ANKIB1: variants seen among roughly 807,000 people sequenced by gnomAD.
The protein encoded by ANKIB1 is ankyrin repeat and IBR domain containing 1, also known as ankyrin repeat and IBR domain-containing protein 1.
A neutral mutation model predicts 122.1 loss-of-function variants in ANKIB1; 43 were observed. The ratio of observed to expected loss-of-function variants is 0.35; its 90% CI spans 0.28 to 0.45. The LOEUF (loss-of-function observed/expected upper bound fraction) is 0.45. ANKIB1 is among the 20% of genes least tolerant of loss of function. The pLI is 1.00. For missense variants in ANKIB1, 992 were observed against 1,329.5 expected (o/e 0.75, Z 3.95); for synonymous variants, 390 against 442.0 (o/e 0.88, Z 1.48).
At chr7:92,259,893 A>G (rs555930501) in intron 1 of ANKIB1, among the ~76,000 whole-genome samples, 78 of 152,046 alleles carry the variant, frequency 5.1e-4, no homozygotes, top group African/African-American at 1.7e-3. Flanking sequence ...TTTGGTTCTT[A>G]CCTTCAGAGT....
intron 11 of ANKIB1, among the ~76,000 whole-genome samples, chr7:92,385,730 G>A (rs879607763): frequency 4.6e-5 from 7 of 152,106 alleles, no homozygotes; most frequent in Admixed American, 2.6e-4. Context: ...GGGGCCTGTC[G>A]TGGTGTGGGA....
chr7:92,314,945 A>G (rs1460636457), intron 3 of ANKIB1, among the ~76,000 whole-genome samples: 1 of 152,140 alleles, frequency 6.6e-6, no homozygotes, highest in Non-Finnish European at 1.5e-5. Context: ...GGCAGATGCC[A>G]GGGACATTGT....
intron 10 of ANKIB1, among the ~76,000 whole-genome samples, chr7:92,363,272 G>A (rs998562722): frequency 2.6e-5 from 4 of 152,104 alleles, no homozygotes; most frequent in East Asian, 1.9e-4. Context: ...TTAGCTGGGC[G>A]TGGTGGCACG....
At chr7:92,299,769 T>C (rs1585095546) in intron 2 of ANKIB1, among the ~76,000 whole-genome samples, 2 of 152,330 alleles carry the variant, frequency 1.3e-5, no homozygotes, top group East Asian at 3.9e-4. Context: ...TTAAAATTAA[T>C]GTATCCATAT....
chr7:92,248,163 G>A (rs966288503), intron 1 of ANKIB1, among the ~76,000 whole-genome samples: 1 of 152,108 alleles, frequency 6.6e-6, no homozygotes, highest in Non-Finnish European at 1.5e-5. Flanking sequence ...AAAAAATGTT[G>A]TTGATTCTCT....
At chr7:92,354,971 A>G (rs1308859719) in intron 9 of ANKIB1, among the ~76,000 whole-genome samples, 1 of 152,244 alleles carries the variant, frequency 6.6e-6, no homozygotes, top group African/African-American at 2.4e-5. Context: ...CTTTTCAAGA[A>G]CTATATATGA....
At chr7:92,337,913 C>T (rs961925929) in intron 5 of ANKIB1, among the ~76,000 whole-genome samples, 4 of 151,942 alleles carry the variant, frequency 2.6e-5, no homozygotes, top group East Asian at 1.9e-4. Flanking sequence ...CTAAATTATG[C>T]GTGAGTGAAA....
At chr7:92,311,902 T>A (rs1348991528) in intron 3 of ANKIB1, among the ~76,000 whole-genome samples, 1 of 152,154 alleles carries the variant, frequency 6.6e-6, no homozygotes, top group Non-Finnish European at 1.5e-5. Context: ...GTTGACTTCC[T>A]CGTATGGATA....
chr7:92,343,242 G>T lies in ANKIB1; in HGVS notation c.996+10G>T. On this transcript the variant is annotated intron_variant, in intron 6 of 19. Transcript: ENST00000265742. ...TTTAGACACCAGTTTGGTATGGTTTGGTATTCACTGTACTTCTCATAGCTT... is the reference window on the plus strand; with the variant it reads ...TTTAGACACCAGTTTGGTATGGTTTTGTATTCACTGTACTTCTCATAGCTT... 1 of 1,606,940 alleles carries T rather than the reference G, an allele frequency of 6.2e-7. No individual in the cohort carries two copies. Among genetic ancestry groups the T allele is most frequent in the South Asian group, 1.1e-5 (1 of 90,660 alleles).
At chr7:92,316,993 T>G (rs1383605007) in intron 3 of ANKIB1, among the ~76,000 whole-genome samples, 1 of 152,196 alleles carries the variant, frequency 6.6e-6, no homozygotes, top group African/African-American at 2.4e-5. Flanking sequence ...GAAATAATTT[T>G]CTGGGACTCT....
chr7:92,285,202 A>G (rs1007277642), intron 1 of ANKIB1, among the ~76,000 whole-genome samples: 6 of 152,030 alleles, frequency 3.9e-5, no homozygotes, highest in African/African-American at 1.4e-4. Context: ...TTTTTAGTAG[A>G]TGGGGTTTCA....
chr7:92,311,070 T>A (rs1228603803), intron 3 of ANKIB1, among the ~76,000 whole-genome samples: 2 of 152,188 alleles, frequency 1.3e-5, no homozygotes, highest in African/African-American at 2.4e-5. Flanking sequence ...TTCTAAACAT[T>A]TCTTTGTATC....
chr7:92,270,773 A>T (rs548558497), intron 1 of ANKIB1, among the ~76,000 whole-genome samples: 5 of 146,834 alleles, frequency 3.4e-5, no homozygotes, highest in Non-Finnish European at 7.5e-5. Context: ...TATCAATAGA[A>T]TCATATAGTA....
chr7:92,253,928 T>C (rs1801383715), intron 1 of ANKIB1, among the ~76,000 whole-genome samples: 1 of 152,230 alleles, frequency 6.6e-6, no homozygotes, highest in African/African-American at 2.4e-5. Context: ...TGGCTGGCCT[T>C]GTGACTTACT....
At chr7:92,361,116 ATAATATTTTTTTATTTACTGGAATAAT>A (rs1748131155) in intron 9 of ANKIB1, among the ~76,000 whole-genome samples, 1 of 152,198 alleles carries the variant, frequency 6.6e-6, no homozygotes. Flanking sequence ...CCTCCTCCGA[ATAATATTTTTTTATTTACTGGAATAAT>A]TACCTTTGTC....
intron 1 of ANKIB1, among the ~76,000 whole-genome samples, chr7:92,287,823 C>T (rs1472072281): frequency 6.6e-6 from 1 of 152,044 alleles, no homozygotes; most frequent in Non-Finnish European, 1.5e-5. Flanking sequence ...ATCATGAGGT[C>T]AAGAGATCGA....
intron 5 of ANKIB1, among the ~76,000 whole-genome samples, chr7:92,330,148 C>T (rs1486247560): frequency 7.9e-5 from 12 of 152,138 alleles, no homozygotes; most frequent in Admixed American, 7.9e-4. Context: ...CTTCCGAAGT[C>T]TCAGTTGGGA....
At chr7:92,309,325 T>C (rs1175973647) in intron 3 of ANKIB1, among the ~76,000 whole-genome samples, 1 of 152,174 alleles carries the variant, frequency 6.6e-6, no homozygotes, top group Non-Finnish European at 1.5e-5. Context: ...GTTTAAGCGA[T>C]CTCCCTCCCT....
chr7:92,258,045 T>C (rs2131878540), intron 1 of ANKIB1, among the ~76,000 whole-genome samples: 1 of 152,310 alleles, frequency 6.6e-6, no homozygotes, highest in East Asian at 1.9e-4. Context: ...TCTACAGAAT[T>C]ACTTAAAAAA....
Sources: gnomAD v4.1 joint callset for allele counts (sites outside exome capture counted in the v4.1 genomes callset) on GRCh38, gnomAD v4.1.1 for gene constraint, MANE v1.5 for transcripts, NCBI Gene and HGNC (gene_info 2026-07-23, HGNC 2026-07-21) for gene names.